Variants in ENAH observed in about 807,000 individuals in gnomAD.
ENAH encodes ENAH actin regulator.
ENAH carries 23 observed loss-of-function variants against 78.7 expected under a neutral mutation model. The ratio of observed to expected loss-of-function variants is 0.29; its 90% CI spans 0.21 to 0.41. The LOEUF is 0.41. Among genes scored for constraint, ENAH ranks in the 10% least tolerant of loss-of-function variants. The pLI, the probability that ENAH is intolerant of heterozygous loss-of-function variation, is 1.00. For missense variants in ENAH, 544 were observed against 691.0 expected (o/e 0.79, Z 2.39); for synonymous variants, 226 against 241.0 (o/e 0.94, Z 0.58).
At chr1:225,575,624 T>A (rs545381481) in intron 1 of ENAH, among the ~76,000 whole-genome samples, 1 of 152,206 alleles carries the variant, frequency 6.6e-6, no homozygotes, top group Non-Finnish European at 1.5e-5. Context: ...TCTGCCCCAT[T>A]TTCATCTTCC....
At position 225,500,896 on chromosome 1, in the gene ENAH, T is replaced by C. The variant is rs938995264; in HGVS notation, c.1617+96A>G. The C allele has an allele frequency of 1.6e-5, 18 of 1,134,404 alleles. No homozygotes were observed. In the African/African-American group the frequency reaches 2.8e-4, roughly 18 times the overall value. The allele number at this position is 1,134,404 out of a possible 1,614,324, so 70.3% of individuals were successfully genotyped here. ...TATAACAATAGCTCTATCGTCTTTC[T>C]AAGTACATTCAGGATCCATGTCAAA... On this transcript the variant is annotated intron_variant, in intron 12 of 13. Coordinates refer to ENST00000366843, the MANE Select transcript of ENAH (RefSeq NM_018212.6).
intron 3 of ENAH, among the ~76,000 whole-genome samples, chr1:225,536,085 G>A (rs1246315920): frequency 1.3e-5 from 2 of 152,038 alleles, no homozygotes; most frequent in East Asian, 3.8e-4. Context: ...TATATTCACT[G>A]ATACAAAATA....
rs944595975 is a variant in ENAH at position 225,487,822 on chromosome 1, T to C, written c.*9953A>G. ...GACAAGAGATTCCAATTCCAGCATATATTATGAAAGGTTATGGACTGTGAC... is the reference window on the plus strand; with the variant it reads ...GACAAGAGATTCCAATTCCAGCATACATTATGAAAGGTTATGGACTGTGAC... On this transcript the variant is annotated 3_prime_UTR_variant, in exon 14 of 14. Coordinates refer to ENST00000366843, the MANE Select transcript of ENAH (RefSeq NM_018212.6). 1.1e-4 allele frequency: 16 copies of C among 152,210 alleles called. No homozygotes were observed. Among genetic ancestry groups the C allele is most frequent in the Admixed American group, 1.3e-4 (2 of 15,284 alleles). The allele number at this position is 152,210 out of a possible 1,614,324, so 9.4% of individuals were successfully genotyped here. A position where few individuals can be genotyped will look rare whatever the true frequency, so the allele number is the denominator to read the frequency against.
intron 2 of ENAH, among the ~76,000 whole-genome samples, chr1:225,560,482 C>CA (rs111277597): frequency 0.057 from 6,973 of 122,132 alleles, 211 homozygotes; most frequent in South Asian, 0.12. Flanking sequence ...CAGAGTGAGA[C>CA]AAAAAAAAAA....
intron 5 of ENAH, chr1:225,517,529 G>T (rs1366363925): frequency 1.3e-6 from 2 of 1,551,508 alleles, no homozygotes; most frequent in Admixed American, 2.0e-5. Context: ...GGAGGCATTT[G>T]GGGCACAGGA....
In ENAH at chr1:225,491,770, C is replaced by T. The variant is rs905457109; in HGVS notation, c.*6005G>A. The stretch of plus-strand genomic sequence containing the variant: ...CTTTTTCCTATGGAATTCAAAGTAC[C>T]AACTATTCAATTCTCGATTTTCTAA... On this transcript the variant is annotated 3_prime_UTR_variant, in exon 14 of 14. Transcript: ENST00000366843. 4 of 152,086 alleles carry T rather than the reference C, an allele frequency of 2.6e-5. No homozygotes were observed. Among genetic ancestry groups the T allele is most frequent in the Admixed American group, 2.0e-4 (3 of 15,264 alleles). The allele number at this position is 152,086 out of a possible 1,614,324, so 9.4% of individuals were successfully genotyped here. A position where few individuals can be genotyped will look rare whatever the true frequency, so the allele number is the denominator to read the frequency against.
chr1:225,580,289 C>T (rs2096809403), intron 1 of ENAH: 1 of 151,930 alleles, frequency 6.6e-6, no homozygotes, highest in South Asian at 2.1e-4. Context: ...TGGAGAGGCC[C>T]ACACGAGACA....
At chr1:225,506,726 A>G (rs1042776010) in intron 11 of ENAH, among the ~76,000 whole-genome samples, 1 of 152,196 alleles carries the variant, frequency 6.6e-6, no homozygotes, top group East Asian at 1.9e-4. Context: ...ACATTCCAAA[A>G]GGCCTAGTTT....
chr1:225,626,466 T>G (rs1403453235), intron 1 of ENAH, among the ~76,000 whole-genome samples: 1 of 152,214 alleles, frequency 6.6e-6, no homozygotes, highest in African/African-American at 2.4e-5. Context: ...TGAATGGCAT[T>G]TATGCCCTTA....
chr1:225,511,867 T>C lies in ENAH; in HGVS notation c.1423-8A>G, dbSNP rs780474856. 5 of 1,572,726 alleles carry C rather than the reference T, an allele frequency of 3.2e-6. No homozygotes were observed. The highest frequency in any genetic ancestry group is 2.6e-6 in the Non-Finnish European group (3 of 1,145,448). On this transcript the variant is annotated splice_region_variant and splice_polypyrimidine_tract_variant and intron_variant, in intron 9 of 13. Coordinates refer to ENST00000366843, the MANE Select transcript of ENAH (RefSeq NM_018212.6). The stretch of plus-strand genomic sequence containing the variant: ...TACAGGCTCTGAATCTTCCTAAATA[T>C]ACAGATATATATTAATATCACATCT...
intron 4 of ENAH, among the ~76,000 whole-genome samples, chr1:225,528,272 A>G (rs928982298): frequency 2.0e-5 from 3 of 152,218 alleles, no homozygotes; most frequent in African/African-American, 7.2e-5. Context: ...GAAAACAAGA[A>G]CATCAGTGTG....
intron 1 of ENAH, among the ~76,000 whole-genome samples, chr1:225,584,129 G>A (rs1238076480): frequency 2.0e-5 from 3 of 152,188 alleles, no homozygotes; most frequent in African/African-American, 7.2e-5. Context: ...CACAAGCCTG[G>A]GCGACAGAGC....
intron 1 of ENAH, among the ~76,000 whole-genome samples, chr1:225,600,775 T>C (rs1055060610): frequency 9.9e-5 from 15 of 152,024 alleles, no homozygotes; most frequent in African/African-American, 2.9e-4. Flanking sequence ...GGAGGATCAT[T>C]TGGGCTCAAA....
chr1:225,581,340 TA>T (rs2096816624), intron 1 of ENAH: 3 of 968,104 alleles, frequency 3.1e-6, no homozygotes, highest in African/African-American at 3.5e-5. Flanking sequence ...ACCGTAGAGT[TA>T]AAAATATCAA....
intron 12 of ENAH, among the ~76,000 whole-genome samples, chr1:225,498,761 A>G (rs886256860): frequency 3.9e-5 from 6 of 152,252 alleles, no homozygotes; most frequent in Admixed American, 3.9e-4. Flanking sequence ...AAGGAAGTTT[A>G]GAGGAGGAAG....
chr1:225,593,407 GGGGGGGGGGGT>G (rs1558874064), intron 1 of ENAH, among the ~76,000 whole-genome samples: 1 of 123,508 alleles, frequency 8.1e-6, no homozygotes, highest in African/African-American at 3.2e-5. Context: ...GTGTGGGGGG[GGGGGGGGGGGT>G]GGGGGGTGCC....
intron 1 of ENAH, among the ~76,000 whole-genome samples, chr1:225,568,751 T>C (rs1364795556): frequency 6.6e-6 from 1 of 152,230 alleles, no homozygotes; most frequent in Non-Finnish European, 1.5e-5. Context: ...AATGCAACTT[T>C]GCAGGAGATG....
intron 1 of ENAH, among the ~76,000 whole-genome samples, chr1:225,620,779 C>T (rs1373847273): frequency 4.0e-5 from 6 of 151,734 alleles, no homozygotes; most frequent in South Asian, 4.2e-4. Context: ...CCAAGGTGGG[C>T]GGATCACCCA....
intron 3 of ENAH, among the ~76,000 whole-genome samples, chr1:225,549,294 T>C (rs1240416192): frequency 6.6e-6 from 1 of 152,216 alleles, no homozygotes; most frequent in Non-Finnish European, 1.5e-5. Context: ...AAAGCATTAA[T>C]AAAGAACCGC....
Sources: gnomAD v4.1 joint callset for allele counts (sites outside exome capture counted in the v4.1 genomes callset) on GRCh38, gnomAD v4.1.1 for gene constraint, MANE v1.5 for transcripts, NCBI Gene and HGNC (gene_info 2026-07-23, HGNC 2026-07-21) for gene names.